The following DLC1 variants were observed in gnomAD, a reference collection of about 807,000 sequenced individuals.
DLC1 encodes the protein DLC1 Rho GTPase activating protein.
DLC1 carries 54 observed loss-of-function variants against 140.3 expected under a neutral mutation model. That is an observed-to-expected ratio of 0.38 (90% confidence interval 0.31 to 0.48). The LOEUF (loss-of-function observed/expected upper bound fraction) is 0.48, where lower values mean the gene tolerates loss of function less well. DLC1 is among the 20% of genes least tolerant of loss of function. The pLI is 0.96. For missense variants in DLC1, 2,536 were observed against 1,907.0 expected (o/e 1.33, Z -6.14); for synonymous variants, 986 against 728.1 (o/e 1.35, Z -5.70).
chr8:13,553,540 C>G (rs1003595893), intron 1 of DLC1, among the ~76,000 whole-genome samples: 4 of 151,790 alleles, frequency 2.6e-5, no homozygotes, highest in Admixed American at 2.6e-4. Context: ...CTTGTGGAGA[C>G]AGAGTCTCAC....
rs185218468 is a variant in DLC1 at position 13,456,512 on chromosome 8, C to T, written c.1023+42537G>A. Among the ~76,000 whole-genome samples the T allele has an allele frequency of 6.6e-5, 10 of 151,924 alleles. No individual in the cohort carries two copies. In the East Asian group the frequency reaches 1.2e-3, roughly 18 times the overall value. ...TCTCACTCTGTCACCCAGAGTGGAG[C>T]GCAGGGCTGGATCCCAGCTCCCTGC... is the stretch of plus-strand genomic sequence containing the variant. On this transcript the variant is annotated intron_variant, in intron 2 of 17. Coordinates refer to ENST00000276297, the MANE Select transcript of DLC1 (RefSeq NM_182643.3).
At chr8:13,392,599 C>T (rs1836811295) in intron 4 of DLC1, among the ~76,000 whole-genome samples, 1 of 152,088 alleles carries the variant, frequency 6.6e-6, no homozygotes, top group Non-Finnish European at 1.5e-5. Flanking sequence ...AATAATACAA[C>T]ACTATGATTT....
chr8:13,600,965 T>G (rs1235625377), intron 1 of DLC1, among the ~76,000 whole-genome samples: 1 of 151,888 alleles, frequency 6.6e-6, no homozygotes, highest in East Asian at 1.9e-4. Context: ...TAATTTATAT[T>G]TTATTATTTG....
At chr8:13,167,785 A>G (rs1210944046) in intron 5 of DLC1, among the ~76,000 whole-genome samples, 4 of 152,226 alleles carry the variant, frequency 2.6e-5, no homozygotes, top group Non-Finnish European at 5.9e-5. Flanking sequence ...CATTACCTGC[A>G]TGTATTATTT....
At chr8:13,347,869 C>G (rs1024200416) in intron 4 of DLC1, among the ~76,000 whole-genome samples, 2 of 152,098 alleles carry the variant, frequency 1.3e-5, no homozygotes, top group Non-Finnish European at 2.9e-5. Flanking sequence ...GCAGGTGGAT[C>G]ACAAGGTCAG....
chr8:13,167,962 C>T (rs1251567541), intron 5 of DLC1, among the ~76,000 whole-genome samples: 1 of 152,134 alleles, frequency 6.6e-6, no homozygotes, highest in African/African-American at 2.4e-5. Context: ...AATACTTAGT[C>T]CCTTTAGAGT....
intron 3 of DLC1, among the ~76,000 whole-genome samples, chr8:13,397,852 G>T (rs1240163509): frequency 2.0e-5 from 3 of 151,504 alleles, no homozygotes; most frequent in Non-Finnish European, 4.4e-5. Flanking sequence ...CAAGACCTTG[G>T]CCAGGTGTGG....
chr8:13,556,635 A>G (rs1318039239), intron 1 of DLC1, among the ~76,000 whole-genome samples: 2 of 152,110 alleles, frequency 1.3e-5, no homozygotes, highest in Non-Finnish European at 2.9e-5. Flanking sequence ...ACAATGTACC[A>G]AGTAGTAGGG....
upstream of DLC1, among the ~76,000 whole-genome samples, chr8:13,515,855 T>C (rs1158625225): frequency 6.6e-6 from 1 of 152,208 alleles, no homozygotes. Context: ...GCTCGTCTTA[T>C]AATAAGATAT....
At chr8:13,391,597 T>G (rs1349526476) in intron 4 of DLC1, among the ~76,000 whole-genome samples, 1 of 152,110 alleles carries the variant, frequency 6.6e-6, no homozygotes, top group Non-Finnish European at 1.5e-5. Flanking sequence ...ATAAAAAACT[T>G]TTACAAAAAA....
At chr8:13,507,749 A>G (rs1044575871) in intron 1 of DLC1, among the ~76,000 whole-genome samples, 1 of 152,218 alleles carries the variant, frequency 6.6e-6, no homozygotes, top group Admixed American at 6.6e-5. Flanking sequence ...AGTAGCTTCC[A>G]TGTCTTTAGG....
chr8:13,563,216 T>C (rs1804306297), intron 1 of DLC1, among the ~76,000 whole-genome samples: 1 of 152,192 alleles, frequency 6.6e-6, no homozygotes, highest in South Asian at 2.1e-4. Flanking sequence ...GTTTGGATCC[T>C]GATTCTAACA....
intron 2 of DLC1, among the ~76,000 whole-genome samples, chr8:13,474,501 G>C (rs2117086111): frequency 6.6e-6 from 1 of 152,230 alleles, no homozygotes; most frequent in South Asian, 2.1e-4. Context: ...GTGAGAAAAG[G>C]GCCACTGTCC....
rs780598581 is a variant in DLC1 at position 13,085,862 on chromosome 8, C to T, written c.4536G>A (p.Arg1512=). The change falls in exon 18 of 18, where the codon CGG becomes CGA. Residue 1512 remains arginine, a synonymous_variant. Transcript: ENST00000276297. ...CAGTGTTCTGGTTACTGAAGGAATC[C>T]CGGATCTTTACAACTTCAGCTGCAC... ...HLCAAEVVKI[R]DSFSNQNTET... 6.2e-7 allele frequency: 1 copy of T among 1,614,110 alleles called. No homozygotes were observed. The highest frequency in any genetic ancestry group is 8.5e-7 in the Non-Finnish European group (1 of 1,180,010).
rs1246764417 is a variant in DLC1 at position 13,506,581 on chromosome 8, G to GTGTGTGTATATATATATATATA, written c.-125-6386_-125-6385insTATATATATATATATACACACA. Among the ~76,000 whole-genome samples the GTGTGTGTATATATATATATATA allele has an allele frequency of 3.3e-3, 436 of 130,918 alleles. 6 individuals carry two copies. The highest frequency in any genetic ancestry group is 0.013 in the African/African-American group (401 of 30,978). The allele number at this position is 130,918 out of a possible 152,430, so 85.9% of individuals were successfully genotyped here. On this transcript the variant is annotated intron_variant, in intron 1 of 17. Transcript: ENST00000276297. ...CACACACACACATGTGTGTGTGTGTGTATATATATATATATATATATATAT... is the reference window on the plus strand; with the variant it reads ...CACACACACACATGTGTGTGTGTGTGTGTGTGTATATATATATATATATATATATATATATATATATATATAT...
chr8:13,173,498 A>C (rs527790993), intron 5 of DLC1, among the ~76,000 whole-genome samples: 104 of 150,852 alleles, frequency 6.9e-4, no homozygotes, highest in African/African-American at 2.2e-3. Context: ...CAGCCTCCCG[A>C]GTAGCTGGGA....
At chr8:13,544,327 A>G (rs1054216825) in intron 1 of DLC1, among the ~76,000 whole-genome samples, 4 of 152,154 alleles carry the variant, frequency 2.6e-5, no homozygotes, top group Non-Finnish European at 5.9e-5. Context: ...AAACATTTTT[A>G]TCAGTGATTG....
In DLC1 at chr8:13,590,437, T is replaced by C. The variant is rs188685557; in HGVS notation, c.-126+14100A>G. Among the ~76,000 whole-genome samples, 314 of 152,178 alleles carry C rather than the reference T, an allele frequency of 2.1e-3. 1 individual carries two copies. Among genetic ancestry groups the C allele is most frequent in the African/African-American group, 7.0e-3 (291 of 41,524 alleles). On this transcript the variant is annotated intron_variant, in intron 1 of 1. Transcript: ENST00000631382. Reference sequence around the variant, plus strand: ...ATGCAGAAATCAATATTCTCATAATTACAGTCATGAAAACAGCTGGTTCTT... The same window carrying C: ...ATGCAGAAATCAATATTCTCATAATCACAGTCATGAAAACAGCTGGTTCTT...
chr8:13,105,045 C>T (rs1183099484), intron 7 of DLC1, among the ~76,000 whole-genome samples: 1 of 152,148 alleles, frequency 6.6e-6, no homozygotes, highest in Non-Finnish European at 1.5e-5. Flanking sequence ...ATCAAATAGT[C>T]ACTTGACTTC....
Sources: gnomAD v4.1 joint callset for allele counts (sites outside exome capture counted in the v4.1 genomes callset) on GRCh38, gnomAD v4.1.1 for gene constraint, MANE v1.5 for transcripts, NCBI Gene and HGNC (gene_info 2026-07-23, HGNC 2026-07-21) for gene names.